MADD: variants seen among roughly 807,000 people sequenced by gnomAD.
MADD encodes the protein MAP kinase-activating death domain protein.
MADD carries 109 observed loss-of-function variants against 176.7 expected under a neutral mutation model. The observed-to-expected ratio is 0.62, with a 90% CI of 0.53 to 0.72. The LOEUF (loss-of-function observed/expected upper bound fraction) is 0.72. Among genes scored for constraint, MADD ranks in the 30% least tolerant of loss-of-function variants. The pLI, the probability that MADD is intolerant of heterozygous loss-of-function variation, is 0.00. For missense variants in MADD, 1,914 were observed against 2,045.5 expected, an observed-to-expected ratio of 0.94 and a Z score of 1.24; for synonymous variants, 771 against 771.3, an observed-to-expected ratio of 1.00 and a Z score of 0.01.
chr11:47,327,319 G>A (rs1408573860), intron 31 of MADD: 1 of 988,186 alleles, frequency 1.0e-6, no homozygotes, highest in Non-Finnish European at 1.2e-6. Flanking sequence ...GTAGCCGGAA[G>A]CTGGGAGCCA....
intron 16 of MADD, 77 bp downstream of exon 17, chr11:47,289,570 C>T: frequency 8.3e-7 from 1 of 1,210,974 alleles, no homozygotes; most frequent in Admixed American, 1.7e-5. Context: ...TAGGGATGCT[C>T]AAGAGTGGGA....
chr11:47,314,400 A>G (rs759619877), intron 26 of MADD, among the ~76,000 whole-genome samples: 1 of 152,186 alleles, frequency 6.6e-6, no homozygotes, highest in Non-Finnish European at 1.5e-5. Context: ...GTAACAATGT[A>G]AAATGTTCAT....
chr11:47,306,380 C>G (rs2082629141), intron 22 of MADD, among the ~76,000 whole-genome samples: 1 of 152,192 alleles, frequency 6.6e-6, no homozygotes, highest in Non-Finnish European at 1.5e-5. Context: ...GCTCCACTTC[C>G]AAGATGGCAT....
At chr11:47,320,203 T>C (rs1050905532) in intron 27 of MADD, among the ~76,000 whole-genome samples, 6 of 151,826 alleles carry the variant, frequency 4.0e-5, no homozygotes, top group African/African-American at 1.5e-4. Flanking sequence ...ACGCCTGTAA[T>C]CCCAGCACTT....
intron 19 of MADD, among the ~76,000 whole-genome samples, chr11:47,291,194 T>C (rs988789316): frequency 2.8e-4 from 43 of 152,194 alleles, no homozygotes; most frequent in African/African-American, 9.7e-4. Context: ...TATAAAATTA[T>C]GACATTTGTG....
chr11:47,275,089 A>G, exon 3 of MADD: 2 of 1,614,240 alleles, frequency 1.2e-6, no homozygotes, highest in Non-Finnish European at 1.7e-6. Flanking sequence ...GTATACTCTC[A>G]AGCGCCTGGT....
At chr11:47,286,591 TGGGTTCATGTCA>T in intron 15 of MADD, 57 bp downstream of exon 15, 1 of 1,355,756 alleles carries the variant, frequency 7.4e-7, no homozygotes, top group Non-Finnish European at 1.1e-6. Flanking sequence ...TTTCGGGCTG[TGGGTTCATGTCA>T]GGAGCCCTGC....
At chr11:47,324,392 T>C in intron 29 of MADD, 55 bp downstream of exon 32, 2 of 1,605,478 alleles carry the variant, frequency 1.2e-6, no homozygotes, top group Non-Finnish European at 1.7e-6. Flanking sequence ...TCCTTCTGAG[T>C]GTCAGGGGCC....
At chr11:47,285,478 C>T (rs2059973632) in exon 14 of MADD, 2 of 1,614,162 alleles carry the variant, frequency 1.2e-6, no homozygotes, top group Admixed American at 1.7e-5. Context: ...GGCCCAACAG[C>T]TTGAGACTGG....
chr11:47,295,915 G>A, exon 22 of MADD: 1 of 1,614,038 alleles, frequency 6.2e-7, no homozygotes, highest in African/African-American at 1.3e-5. Flanking sequence ...TAGCTCTGGA[G>A]AGACCCTTGG....
chr11:47,324,689 G>T (rs1363776551), intron 30 of MADD, 112 bp downstream of exon 33: 1 of 776,688 alleles, frequency 1.3e-6, no homozygotes, highest in Non-Finnish European at 2.2e-6. Context: ...TCTGGAGCTA[G>T]AGGGAGAACT....
At chr11:47,301,545 CT>C (rs2140067960) in intron 22 of MADD, among the ~76,000 whole-genome samples, 1 of 152,260 alleles carries the variant, frequency 6.6e-6, no homozygotes, top group African/African-American at 2.4e-5. Context: ...AATCTTCCTA[CT>C]TTTTTGATGT....
At chr11:47,279,448 G>A (rs11039160) in intron 7 of MADD, among the ~76,000 whole-genome samples, 1 of 146,310 alleles carries the variant, frequency 6.8e-6, no homozygotes, top group African/African-American at 2.5e-5. Flanking sequence ...GCAGTGGCGC[G>A]ATCTCGGCTC....
exon 20 of MADD, chr11:47,293,898 A>C: frequency 6.2e-7 from 1 of 1,613,868 alleles, no homozygotes; most frequent in Non-Finnish European, 8.5e-7. Context: ...GAAGTAATCA[A>C]ACCTGTCTTT....
At chr11:47,294,079 G>A (rs2067980152) in intron 20 of MADD, 96 bp downstream of exon 22, 5 of 1,027,500 alleles carry the variant, frequency 4.9e-6, no homozygotes, top group African/African-American at 3.2e-5. Flanking sequence ...GCCGGGCACA[G>A]TGGCTCATGC....
At chr11:47,298,558 C>T (rs971076299) in intron 22 of MADD, among the ~76,000 whole-genome samples, 1 of 152,114 alleles carries the variant, frequency 6.6e-6, no homozygotes, top group Non-Finnish European at 1.5e-5. Flanking sequence ...TGAGTTTTTT[C>T]TTTCTTGTAT....
chr11:47,273,830 T>C, exon 2 of MADD: 1 of 1,229,228 alleles, frequency 8.1e-7, no homozygotes, highest in East Asian at 2.3e-5. Context: ...CTATTAGACT[T>C]CGATTTTCAG....
chr11:47,283,839 C>T (rs1324330200), intron 10 of MADD, among the ~76,000 whole-genome samples: 1 of 152,176 alleles, frequency 6.6e-6, no homozygotes, highest in Non-Finnish European at 1.5e-5. Context: ...TCCCAAAGTG[C>T]TAGGATTACA....
chr11:47,311,755 G>A, exon 26 of MADD: 1 of 1,613,440 alleles, frequency 6.2e-7, no homozygotes, highest in Non-Finnish European at 8.5e-7. Flanking sequence ...ACATCCGCAA[G>A]AAGGTGAGGC....
Sources: allele counts gnomAD v4.1 joint callset (sites outside exome capture counted in the v4.1 genomes callset), GRCh38; gene constraint gnomAD v4.1.1; transcripts MANE v1.5; gene names NCBI Gene and HGNC (gene_info 2026-07-23, HGNC 2026-07-21).